Variants in PTPRD observed in about 807,000 individuals in gnomAD.
The protein encoded by PTPRD is receptor-type tyrosine-protein phosphatase delta.
PTPRD carries 34 observed loss-of-function variants against 214.5 expected under a neutral mutation model. The ratio of observed to expected loss-of-function variants is 0.16; its 90% CI spans 0.12 to 0.21. The LOEUF (loss-of-function observed/expected upper bound fraction) is 0.21. PTPRD is among the 10% of genes least tolerant of loss of function. The pLI is 1.00. For synonymous variants in PTPRD, 1,128 were observed against 845.7 expected (o/e 1.33, Z -5.79); for missense variants, 2,545 against 2,398.7 (o/e 1.06, Z -1.27).
chr9:9,127,077 C>T (rs1428163582), intron 10 of PTPRD, among the ~76,000 whole-genome samples: 1 of 151,726 alleles, frequency 6.6e-6, no homozygotes, highest in Non-Finnish European at 1.5e-5. Flanking sequence ...AGGTTGCCAT[C>T]CCATTGCAAA....
intron 5 of PTPRD, among the ~76,000 whole-genome samples, chr9:9,908,998 A>C (rs996081585): frequency 6.6e-6 from 1 of 151,976 alleles, no homozygotes; most frequent in Non-Finnish European, 1.5e-5. Context: ...ACATGATCAT[A>C]TATTAACATC....
At chr9:8,844,730 C>G (rs1221048507) in intron 11 of PTPRD, among the ~76,000 whole-genome samples, 1 of 152,074 alleles carries the variant, frequency 6.6e-6, no homozygotes, top group Non-Finnish European at 1.5e-5. Context: ...AAGCTAAGAG[C>G]TATTCTATAT....
intron 9 of PTPRD, among the ~76,000 whole-genome samples, chr9:9,332,154 G>C (rs536606042): frequency 2.0e-5 from 3 of 152,170 alleles, no homozygotes; most frequent in East Asian, 3.9e-4. Context: ...CAAATTGTAA[G>C]AATGTGGATA....
chr9:9,350,230 C>G (rs1397682748), intron 9 of PTPRD, among the ~76,000 whole-genome samples: 1 of 152,078 alleles, frequency 6.6e-6, no homozygotes, highest in Non-Finnish European at 1.5e-5. Flanking sequence ...GAAATAATAA[C>G]TCTTAGACTG....
intron 2 of PTPRD, among the ~76,000 whole-genome samples, chr9:10,356,353 C>T (rs1406608158): frequency 6.6e-6 from 1 of 152,128 alleles, no homozygotes; most frequent in African/African-American, 2.4e-5. Context: ...ATAAGACTCA[C>T]TGAATAGATA....
intron 17 of PTPRD, 48 bp downstream of exon 17, chr9:8,526,579 G>A (rs1293655809): frequency 2.7e-6 from 4 of 1,494,028 alleles, no homozygotes; most frequent in Non-Finnish European, 3.6e-6. Context: ...TGAAAGGACA[G>A]AAAGAATGAG....
intron 7 of PTPRD, among the ~76,000 whole-genome samples, chr9:9,705,661 A>T (rs961084685): frequency 2.0e-5 from 3 of 152,128 alleles, no homozygotes; most frequent in Non-Finnish European, 4.4e-5. Context: ...ATATATTTTA[A>T]AATAAATATA....
At chr9:10,131,084 G>A (rs967299339) in intron 3 of PTPRD, among the ~76,000 whole-genome samples, 1 of 152,154 alleles carries the variant, frequency 6.6e-6, no homozygotes, top group Non-Finnish European at 1.5e-5. Context: ...ATTTGTTGGA[G>A]GCTGGGCTGC....
intron 3 of PTPRD, among the ~76,000 whole-genome samples, chr9:10,300,310 G>A (rs1171734197): frequency 6.6e-6 from 1 of 152,140 alleles, no homozygotes; most frequent in Non-Finnish European, 1.5e-5. Flanking sequence ...AGGGCCCTGG[G>A]TTTCAAGCAG....
intron 7 of PTPRD, among the ~76,000 whole-genome samples, chr9:9,638,785 C>T (rs373668648): frequency 3.3e-5 from 5 of 152,168 alleles, no homozygotes; most frequent in African/African-American, 1.2e-4. Context: ...AACCAATAGA[C>T]AGTCCTCACA....
chr9:9,661,974 T>G (rs1264469773), intron 7 of PTPRD, among the ~76,000 whole-genome samples: 2 of 151,736 alleles, frequency 1.3e-5, no homozygotes, highest in East Asian at 3.8e-4. Context: ...TTCTTAACCT[T>G]AATTTGCAAT....
chr9:9,796,059 G>GC (rs2153488005), intron 5 of PTPRD, among the ~76,000 whole-genome samples: 1 of 151,992 alleles, frequency 6.6e-6, no homozygotes, highest in Non-Finnish European at 1.5e-5. Flanking sequence ...GTATTTTTCA[G>GC]TTTTTTTAAT....
intron 37 of PTPRD, among the ~76,000 whole-genome samples, chr9:8,378,415 T>C (rs1251892978): frequency 6.8e-6 from 1 of 147,032 alleles, no homozygotes; most frequent in East Asian, 2.2e-4. Context: ...GCAGTCATGA[T>C]ATAGATGAGA....
intron 5 of PTPRD, among the ~76,000 whole-genome samples, chr9:9,854,962 A>G (rs2061269322): frequency 6.6e-6 from 1 of 152,180 alleles, no homozygotes; most frequent in African/African-American, 2.4e-5. Context: ...AATTAATGGA[A>G]GAAACATGAT....
intron 5 of PTPRD, among the ~76,000 whole-genome samples, chr9:9,778,730 T>A (rs1210706074): frequency 2.6e-5 from 4 of 152,026 alleles, no homozygotes; most frequent in Admixed American, 2.6e-4. Flanking sequence ...TTACATCAGA[T>A]CCCCAAATAC....
At chr9:10,076,812 C>A (rs1404413611) in intron 3 of PTPRD, among the ~76,000 whole-genome samples, 2 of 152,166 alleles carry the variant, frequency 1.3e-5, no homozygotes, top group African/African-American at 2.4e-5. Flanking sequence ...TCCTTCCTCA[C>A]AGCTAAATAA....
intron 35 of PTPRD, among the ~76,000 whole-genome samples, chr9:8,408,842 C>T (rs997011226): frequency 1.3e-5 from 2 of 151,592 alleles, no homozygotes; most frequent in Non-Finnish European, 2.9e-5. Context: ...TTTGCTTACT[C>T]AGAAAAAATG....
At chr9:9,453,843 G>A (rs1001288814) in intron 8 of PTPRD, among the ~76,000 whole-genome samples, 1 of 151,610 alleles carries the variant, frequency 6.6e-6, no homozygotes, top group African/African-American at 2.4e-5. Flanking sequence ...CTTTCAAAGA[G>A]AAACTCAGAA....
At chr9:9,324,468 G>T (rs10977663) in intron 9 of PTPRD, among the ~76,000 whole-genome samples, 18,371 of 152,132 alleles carry the variant, frequency 0.12, 1,379 homozygotes, top group Non-Finnish European at 0.17. Flanking sequence ...TCATGTGTCT[G>T]TTGGCTGCAT....
Sources: allele counts gnomAD v4.1 joint callset (sites outside exome capture counted in the v4.1 genomes callset), GRCh38; gene constraint gnomAD v4.1.1; transcripts MANE v1.5; gene names NCBI Gene and HGNC (gene_info 2026-07-23, HGNC 2026-07-21).